DENND1B: variants seen among roughly 807,000 people sequenced by gnomAD.
DENND1B encodes DENN domain-containing protein 1B.
In DENND1B, 59 loss-of-function variants were observed where a neutral mutation model predicts 90.1. The ratio of observed to expected loss-of-function variants is 0.65; its 90% CI spans 0.53 to 0.81. The LOEUF is 0.81. DENND1B is among the 40% of genes least tolerant of loss of function. DENND1B has a pLI of 0.00. For synonymous variants in DENND1B, 337 were observed against 324.6 expected, an observed-to-expected ratio of 1.04 and a Z score of -0.41; for missense variants, 862 against 912.6, an observed-to-expected ratio of 0.94 and a Z score of 0.71.
At chr1:197,737,310 T>C (rs1662792300) in intron 2 of DENND1B, among the ~76,000 whole-genome samples, 2 of 152,136 alleles carry the variant, frequency 1.3e-5, no homozygotes, top group African/African-American at 4.8e-5. Context: ...TGCATAACAA[T>C]CACCTGGGAA....
At chr1:197,767,990 C>T (rs189487088) in intron 2 of DENND1B, among the ~76,000 whole-genome samples, 1 of 152,160 alleles carries the variant, frequency 6.6e-6, no homozygotes, top group African/African-American at 2.4e-5. Context: ...TTTCTCTGTT[C>T]TTCAGTTTCT....
chr1:197,567,493 G>C (rs1485495732), intron 15 of DENND1B, among the ~76,000 whole-genome samples: 1 of 151,942 alleles, frequency 6.6e-6, no homozygotes, highest in South Asian at 2.1e-4. Context: ...ATTTTATGTG[G>C]CCAGCATTAC....
intron 5 of DENND1B, 125 bp downstream of exon 5, chr1:197,671,912 C>T: frequency 9.9e-7 from 1 of 1,011,846 alleles, no homozygotes. Flanking sequence ...TACAGAAAAT[C>T]AGGAAAATTA....
At chr1:197,545,001 A>AGAAGGAG (rs536451968) in intron 18 of DENND1B, among the ~76,000 whole-genome samples, 1 of 90,698 alleles carries the variant, frequency 1.1e-5, no homozygotes, top group Admixed American at 1.1e-4. Flanking sequence ...GGAAGAAGGA[A>AGAAGGAG]GACGACGACG....
chr1:197,668,886 C>T (rs1655204618), intron 5 of DENND1B, among the ~76,000 whole-genome samples: 1 of 152,004 alleles, frequency 6.6e-6, no homozygotes, highest in African/African-American at 2.4e-5. Flanking sequence ...ACAAACAGCA[C>T]ATGAAGTGTG....
chr1:197,746,759 C>T (rs1663794344), intron 2 of DENND1B: 4 of 1,341,708 alleles, frequency 3.0e-6, no homozygotes, highest in South Asian at 2.3e-5. Flanking sequence ...TTATGCATAT[C>T]CCATGTCACT....
At chr1:197,655,775 G>A (rs954401828) in intron 6 of DENND1B, among the ~76,000 whole-genome samples, 2 of 151,868 alleles carry the variant, frequency 1.3e-5, no homozygotes, top group Non-Finnish European at 1.5e-5. Context: ...CTCGTGATCC[G>A]CCCGCCTCGG....
At chr1:197,598,586 C>A (rs953379221) in intron 13 of DENND1B, among the ~76,000 whole-genome samples, 30 of 151,802 alleles carry the variant, frequency 2.0e-4, no homozygotes, top group African/African-American at 6.5e-4. Context: ...TTCCAAACTT[C>A]TAACTTTAGT....
intron 15 of DENND1B, among the ~76,000 whole-genome samples, chr1:197,556,769 A>G (rs1246562457): frequency 6.6e-6 from 1 of 151,988 alleles, no homozygotes; most frequent in Non-Finnish European, 1.5e-5. Flanking sequence ...AATTAAAATA[A>G]TATAAAGTGT....
At chr1:197,587,425 T>C (rs923615140) in intron 14 of DENND1B, among the ~76,000 whole-genome samples, 3 of 152,138 alleles carry the variant, frequency 2.0e-5, no homozygotes, top group African/African-American at 7.2e-5. Context: ...TCAAAAGCAG[T>C]CATTTCGATG....
Position 197,553,128 on chromosome 1 carries a change from GTCAAATAAAATGTA to G in DENND1B, c.1150-30_1150-17del, listed in dbSNP as rs755007929. On this transcript the variant is annotated splice_polypyrimidine_tract_variant and intron_variant, in intron 15 of 22. Transcript: ENST00000620048. ...CATCGATAAACTAGAATTAAAAAGT[GTCAAATAAAATGTA>G]TCAAATAAAATGTTATCCAATAAAA... is the stretch of plus-strand genomic sequence containing the variant. 27 of 1,511,818 alleles carry G rather than the reference GTCAAATAAAATGTA, an allele frequency of 1.8e-5. No individual in the cohort carries two copies. The highest frequency in any genetic ancestry group is 2.1e-5 in the Non-Finnish European group (24 of 1,131,504). The allele number at this position is 1,511,818 out of a possible 1,614,324, so 93.7% of individuals were successfully genotyped here.
intron 13 of DENND1B, among the ~76,000 whole-genome samples, chr1:197,595,827 A>G (rs1261532551): frequency 6.6e-6 from 1 of 152,084 alleles, no homozygotes; most frequent in East Asian, 1.9e-4. Context: ...TTATGAGATA[A>G]AGAAGAGGGG....
intron 20 of DENND1B, among the ~76,000 whole-genome samples, 173 bp downstream of exon 20, chr1:197,539,791 G>C (rs2125653296): frequency 6.6e-6 from 1 of 152,266 alleles, no homozygotes; most frequent in South Asian, 2.1e-4. Context: ...TGAAACATTT[G>C]ACTCTCAATC....
chr1:197,611,426 T>A (rs944022517), intron 12 of DENND1B, among the ~76,000 whole-genome samples: 1 of 150,738 alleles, frequency 6.6e-6, no homozygotes, highest in Admixed American at 6.6e-5. Flanking sequence ...AATTTTATAT[T>A]CCCCAACAGA....
chr1:197,573,806 T>A (rs1388658737), intron 15 of DENND1B, among the ~76,000 whole-genome samples: 4 of 152,026 alleles, frequency 2.6e-5, no homozygotes, highest in Non-Finnish European at 5.9e-5. Flanking sequence ...TATACGCAAA[T>A]CAATAAATGT....
chr1:197,745,616 T>TTATATA lies in DENND1B; in HGVS notation c.82+27246_82+27251dup, dbSNP rs60118343. ...CTGATAACAGATCACCATATATATA[T>TTATATA]TATATATATATATATATATATATAA... On this transcript the variant is annotated intron_variant, in intron 2 of 22. Transcript: ENST00000620048. Among the ~76,000 whole-genome samples the TTATATA allele has an allele frequency of 3.8e-3, 272 of 71,766 alleles. 2 individuals are homozygous for TTATATA. The highest frequency in any genetic ancestry group is 5.9e-3 in the Non-Finnish European group (209 of 35,356). 47.1% of individuals were successfully genotyped at this position (71,766 alleles called of 152,430 possible).
intron 2 of DENND1B, among the ~76,000 whole-genome samples, chr1:197,752,465 A>C (rs2102416101): frequency 6.6e-6 from 1 of 152,150 alleles, no homozygotes; most frequent in South Asian, 2.1e-4. Context: ...CAAACGTTTA[A>C]AACAACAGTA....
At chr1:197,672,559 T>C (rs1215928410) in intron 4 of DENND1B, among the ~76,000 whole-genome samples, 1 of 152,050 alleles carries the variant, frequency 6.6e-6, no homozygotes, top group Non-Finnish European at 1.5e-5. Flanking sequence ...ATTGCTTAGA[T>C]AGCAAATCAT....
chr1:197,536,837 C>G (rs976900583), intron 20 of DENND1B, among the ~76,000 whole-genome samples: 1 of 151,882 alleles, frequency 6.6e-6, no homozygotes, highest in Non-Finnish European at 1.5e-5. Context: ...ATCAGCAGAT[C>G]GAGACCATCC....
Sources: gnomAD v4.1 joint callset for allele counts (sites outside exome capture counted in the v4.1 genomes callset) on GRCh38, gnomAD v4.1.1 for gene constraint, MANE v1.5 for transcripts, NCBI Gene and HGNC (gene_info 2026-07-23, HGNC 2026-07-21) for gene names.